Variants in RERG observed in about 807,000 individuals in gnomAD.
RERG encodes ras-related and estrogen-regulated growth inhibitor.
RERG carries 25 observed loss-of-function variants against 23.2 expected under a neutral mutation model. That is an observed-to-expected ratio of 1.08 (90% CI 0.79 to 1.50). The LOEUF is 1.50. Ranked by LOEUF, RERG falls within the 40% of genes most tolerant of loss-of-function variation. The pLI, the probability that RERG is intolerant of heterozygous loss-of-function variation, is 0.00. For missense variants in RERG, 253 were observed against 250.1 expected (o/e 1.01, Z -0.08); for synonymous variants, 81 against 89.1 (o/e 0.91, Z 0.51).
intron 2 of RERG, among the ~76,000 whole-genome samples, chr12:15,153,251 G>A (rs1335499917): frequency 6.6e-6 from 1 of 152,092 alleles, no homozygotes; most frequent in Admixed American, 6.6e-5. Flanking sequence ...AGTTGTGATG[G>A]GTGCTTGATT....
At chr12:15,166,534 GGTGGTGGTA>G (rs1197843173) in intron 2 of RERG, among the ~76,000 whole-genome samples, 79 of 151,240 alleles carry the variant, frequency 5.2e-4, no homozygotes, top group African/African-American at 1.8e-3. Flanking sequence ...TGGTGGTGGT[GGTGGTGGTA>G]GTGGTGTTGG....
chr12:15,176,228 C>A (rs752210581), intron 2 of RERG, among the ~76,000 whole-genome samples: 35 of 152,076 alleles, frequency 2.3e-4, no homozygotes, highest in Non-Finnish European at 4.0e-4. Context: ...GATTCTTCAT[C>A]TTTATTTTCA....
intron 2 of RERG, among the ~76,000 whole-genome samples, chr12:15,213,726 C>T (rs751247375): frequency 6.6e-6 from 1 of 152,146 alleles, no homozygotes; most frequent in Non-Finnish European, 1.5e-5. Context: ...TGTCTGTGGT[C>T]AAACTGTCAA....
chr12:15,176,607 C>A lies in RERG; in HGVS notation c.61+40822G>T, dbSNP rs564465032. Among the ~76,000 whole-genome samples the A allele has an allele frequency of 2.2e-4, 33 of 152,202 alleles. No homozygotes were observed. The East Asian group carries it at 5.4e-3, about 25-fold the overall frequency. On this transcript the variant is annotated intron_variant, in intron 2 of 4. Coordinates refer to ENST00000256953, the MANE Select transcript of RERG (RefSeq NM_032918.3). ...TACCCAGATTCAAATCAACTTGAAGCAAGACACGAGATAATAGAAATTGCA... is the reference window on the plus strand; with the variant it reads ...TACCCAGATTCAAATCAACTTGAAGAAAGACACGAGATAATAGAAATTGCA...
At chr12:15,123,867 G>A (rs1863886963) in intron 2 of RERG, among the ~76,000 whole-genome samples, 1 of 151,938 alleles carries the variant, frequency 6.6e-6, no homozygotes, top group African/African-American at 2.4e-5. Context: ...TTACTGTTGA[G>A]TCTCTGCCTT....
chr12:15,157,345 C>T (rs1038592433), intron 2 of RERG, among the ~76,000 whole-genome samples: 6 of 152,138 alleles, frequency 3.9e-5, no homozygotes, highest in Non-Finnish European at 8.8e-5. Context: ...TTTTACAATC[C>T]ATCCACCCCC....
chr12:15,115,491 G>C (rs1863703309), intron 3 of RERG, among the ~76,000 whole-genome samples: 1 of 152,070 alleles, frequency 6.6e-6, no homozygotes, highest in Non-Finnish European at 1.5e-5. Flanking sequence ...GGATGAAAGG[G>C]AAAAGAAAGA....
At chr12:15,145,364 A>AG (rs1184653455) in intron 2 of RERG, among the ~76,000 whole-genome samples, 17 of 152,374 alleles carry the variant, frequency 1.1e-4, no homozygotes, top group African/African-American at 3.4e-4. Context: ...AGTTGGAACA[A>AG]GGGGAACTTC....
chr12:15,183,845 C>T (rs1222604838), intron 2 of RERG, among the ~76,000 whole-genome samples: 4 of 152,112 alleles, frequency 2.6e-5, no homozygotes, highest in Admixed American at 6.5e-5. Flanking sequence ...TGTCACGAAC[C>T]CAGCTGGGAG....
chr12:15,114,584 C>T (rs2136084268), intron 3 of RERG: 1 of 152,172 alleles, frequency 6.6e-6, no homozygotes, highest in South Asian at 2.1e-4. Flanking sequence ...TAATATAATG[C>T]CTGACTAGGT....
intron 2 of RERG, among the ~76,000 whole-genome samples, chr12:15,210,441 T>G (rs1341096146): frequency 6.6e-6 from 1 of 152,238 alleles, no homozygotes; most frequent in Non-Finnish European, 1.5e-5. Context: ...TAATTTTGTT[T>G]TGTTTTGTTT....
chr12:15,111,249 G>T (rs1257272501), intron 4 of RERG, 95 bp downstream of exon 4: 2 of 864,114 alleles, frequency 2.3e-6, no homozygotes, highest in African/African-American at 3.4e-5. Context: ...GCATGCAAAA[G>T]TTAGTTGAAG....
rs1312303478 is a variant in RERG at position 15,111,325 on chromosome 12, A to T, written c.192+19T>A. ...TTTATTTGATCCAGAAAAATATTTTAGCTGAACTCTTTATTCACCTGACCA... is the reference window on the plus strand; with the variant it reads ...TTTATTTGATCCAGAAAAATATTTTTGCTGAACTCTTTATTCACCTGACCA... On this transcript the variant is annotated intron_variant, in intron 4 of 4. Coordinates refer to ENST00000256953, the MANE Select transcript of RERG (RefSeq NM_032918.3). The T allele has an allele frequency of 2.5e-6, 4 of 1,570,136 alleles. No homozygotes were observed. In the African/African-American group the frequency reaches 5.4e-5, roughly 21 times the overall value.
intron 2 of RERG, among the ~76,000 whole-genome samples, chr12:15,134,130 T>C (rs991673279): frequency 6.6e-6 from 1 of 152,160 alleles, no homozygotes; most frequent in African/African-American, 2.4e-5. Context: ...ATTTCTTTCA[T>C]GCATCATTAC....
intron 2 of RERG, among the ~76,000 whole-genome samples, chr12:15,136,536 T>A (rs910350978): frequency 3.3e-5 from 5 of 152,074 alleles, no homozygotes; most frequent in African/African-American, 1.2e-4. Context: ...ATGAATTCAA[T>A]GCTACAAATT....
At chr12:15,121,016 G>C (rs11829182) in intron 3 of RERG, 47 bp downstream of exon 3, 3 of 1,272,328 alleles carry the variant, frequency 2.4e-6, no homozygotes, top group Non-Finnish European at 2.3e-6. Context: ...TTTCTTTGGG[G>C]CCATAAATTT....
At chr12:15,210,363 T>G (rs1285586279) in intron 2 of RERG, among the ~76,000 whole-genome samples, 1 of 152,232 alleles carries the variant, frequency 6.6e-6, no homozygotes, top group Non-Finnish European at 1.5e-5. Context: ...ACAATTGAAT[T>G]TTAATAATAT....
At position 15,150,080 on chromosome 12, in the gene RERG, A is replaced by G. The variant is rs1864413388; in HGVS notation, c.62-28961T>C. ...ACTGGGGGAAAGGACGGGGAGGGAGAGTAGGTACAAGGCCAAGACTGCTCA... is the reference window on the plus strand; with the variant it reads ...ACTGGGGGAAAGGACGGGGAGGGAGGGTAGGTACAAGGCCAAGACTGCTCA... On this transcript the variant is annotated intron_variant, in intron 2 of 4. Transcript: ENST00000256953. Among the ~76,000 whole-genome samples, 6 of 152,052 alleles carry G rather than the reference A, an allele frequency of 3.9e-5. No homozygotes were observed. In the South Asian group the frequency reaches 1.2e-3, roughly 32 times the overall value.
chr12:15,202,437 TAAC>T (rs1175808654), intron 2 of RERG, among the ~76,000 whole-genome samples: 1 of 151,804 alleles, frequency 6.6e-6, no homozygotes, highest in Non-Finnish European at 1.5e-5. Flanking sequence ...GCACATTGAA[TAAC>T]AACTCCCTCT....
Sources: allele counts gnomAD v4.1 joint callset (sites outside exome capture counted in the v4.1 genomes callset), GRCh38; gene constraint gnomAD v4.1.1; transcripts MANE v1.5; gene names NCBI Gene and HGNC (gene_info 2026-07-23, HGNC 2026-07-21).